PCDHA3: variants seen among roughly 807,000 people sequenced by gnomAD.
The protein encoded by PCDHA3 is protocadherin alpha-3.
Under a neutral mutation model 62.2 loss-of-function variants are expected in PCDHA3, and 41 were observed. That is an observed-to-expected ratio of 0.66 (90% CI 0.51 to 0.86). The LOEUF (loss-of-function observed/expected upper bound fraction) is 0.86. Ranked by LOEUF, PCDHA3 falls within the 40% of genes least tolerant of loss-of-function variation. The pLI is 0.00. For missense variants in PCDHA3, 1,304 were observed against 1,241.2 expected (o/e 1.05, Z -0.76); for synonymous variants, 640 against 555.4 (o/e 1.15, Z -2.14).
At chr5:140,981,111 T>C (rs1275828842) in intron 2 of PCDHA3, among the ~76,000 whole-genome samples, 3 of 152,232 alleles carry the variant, frequency 2.0e-5, no homozygotes, top group African/African-American at 2.4e-5. Context: ...GAATTTCTAC[T>C]GGATATGTTG....
intron 1 of PCDHA3, chr5:140,871,327 C>A: frequency 6.2e-7 from 1 of 1,614,102 alleles, no homozygotes; most frequent in Non-Finnish European, 8.5e-7. Flanking sequence ...GGTGTGCTCC[C>A]GCGCGGTGGG....
intron 1 of PCDHA3, chr5:140,967,680 G>C (rs1554229771): frequency 6.2e-7 from 1 of 1,614,228 alleles, no homozygotes; most frequent in South Asian, 1.1e-5. Context: ...GACCGGGAGA[G>C]GCAGCTCTTC....
At chr5:140,834,377 A>G (rs1445346495) in intron 1 of PCDHA3, 1 of 1,562,428 alleles carries the variant, frequency 6.4e-7, no homozygotes, top group Non-Finnish European at 8.7e-7. Flanking sequence ...CAAGCCAATA[A>G]TTTGAAATGG....
intron 1 of PCDHA3, among the ~76,000 whole-genome samples, chr5:140,959,659 A>G (rs1020730964): frequency 6.6e-6 from 1 of 152,250 alleles, no homozygotes; most frequent in Non-Finnish European, 1.5e-5. Context: ...AAATTGAAGA[A>G]TTTGTAAATC....
At chr5:140,987,011 C>G (rs1266225593) in intron 3 of PCDHA3, among the ~76,000 whole-genome samples, 1 of 151,990 alleles carries the variant, frequency 6.6e-6, no homozygotes, top group African/African-American at 2.4e-5. Context: ...GTCATGAGTT[C>G]GAGACCAGCC....
intron 1 of PCDHA3, among the ~76,000 whole-genome samples, chr5:140,964,622 T>C (rs1435749865): frequency 2.0e-5 from 3 of 152,048 alleles, no homozygotes; most frequent in Non-Finnish European, 4.4e-5. Flanking sequence ...ATTCCACTTA[T>C]AAGCCATTTA....
intron 1 of PCDHA3, chr5:140,876,755 G>C (rs782037862): frequency 1.9e-6 from 3 of 1,614,248 alleles, no homozygotes; most frequent in Non-Finnish European, 1.7e-6. Flanking sequence ...GTGACTGCGC[G>C]GGATGGGGGC....
In PCDHA3 at chr5:140,841,811, G is replaced by A. The variant is rs2150323241; in HGVS notation, c.2394+38220G>A. The A allele has an allele frequency of 3.1e-6, 5 of 1,613,790 alleles. No individual in the cohort carries two copies. In the African/African-American group the frequency reaches 6.7e-5, roughly 22 times the overall value. On this transcript the variant is annotated intron_variant, in intron 1 of 3. Coordinates refer to ENST00000522353, the MANE Select transcript of PCDHA3 (RefSeq NM_018906.3). The stretch of plus-strand genomic sequence containing the variant: ...GGGCGCGTCCGATGCAGATGTTGGA[G>A]CTAACTCCGTGTTAACCTACAGGCT...
chr5:140,875,478 G>T, intron 1 of PCDHA3: 4 of 1,610,404 alleles, frequency 2.5e-6, no homozygotes, highest in Non-Finnish European at 3.4e-6. Flanking sequence ...CTGCAATGGT[G>T]ATTATCGGAC....
rs1246720296 is a variant in PCDHA3, at chr5:140,996,308, AAGGGGGG to A, written c.2543-13314_2543-13308del. 2.6e-5 allele frequency among the ~76,000 whole-genome samples: 4 copies of A among 152,358 alleles called. No individual in the cohort carries two copies. The East Asian group carries it at 5.8e-4, about 22-fold the overall frequency. On this transcript the variant is annotated intron_variant, in intron 3 of 3. Coordinates refer to ENST00000522353, the MANE Select transcript of PCDHA3 (RefSeq NM_018906.3). ...CAAGAAGCACAGATTGTAACAAAGT[AAGGGGGG>A]AGGGTAGAGAAGAAAAGTTTGAAAA... is the stretch of plus-strand genomic sequence containing the variant.
In PCDHA3 at chr5:140,875,833, G is replaced by T. The variant is rs782436615; in HGVS notation, c.2394+72242G>T. The stretch of plus-strand genomic sequence containing the variant: ...GCCGCTGCAGGTTTTCCATGTGGAC[G>T]TGGAGGTGAAGGACATTAACGACAA... On this transcript the variant is annotated intron_variant, in intron 1 of 3. Coordinates refer to ENST00000522353, the MANE Select transcript of PCDHA3 (RefSeq NM_018906.3). 2.3e-5 allele frequency: 37 copies of T among 1,614,100 alleles called. No homozygotes were observed. The Admixed American group carries it at 6.0e-4, about 26-fold the overall frequency.
At chr5:140,866,264 G>C (rs908649642) in intron 1 of PCDHA3, 1 of 152,052 alleles carries the variant, frequency 6.6e-6, no homozygotes, top group Admixed American at 6.5e-5. Flanking sequence ...TTTCTTTACT[G>C]TGAATAAAGA....
At chr5:141,006,108 T>G (rs1268824828) in intron 3 of PCDHA3, among the ~76,000 whole-genome samples, 3 of 151,864 alleles carry the variant, frequency 2.0e-5, no homozygotes, top group Non-Finnish European at 4.4e-5. Flanking sequence ...GTAAGGAGTT[T>G]TTTTTTTTTT....
chr5:140,817,688 C>CAGTA, intron 1 of PCDHA3: 1 of 152,288 alleles, frequency 6.6e-6, no homozygotes, highest in Admixed American at 6.5e-5. Context: ...TCTAGACACA[C>CAGTA]AGTACATTAT....
chr5:140,927,813 G>A, intron 1 of PCDHA3: 1 of 1,614,176 alleles, frequency 6.2e-7, no homozygotes, highest in Non-Finnish European at 8.5e-7. Context: ...CGCTCTTGGA[G>A]GCATACATTG....
At chr5:140,830,696 C>T (rs2150102603) in intron 1 of PCDHA3, 2 of 283,892 alleles carry the variant, frequency 7.0e-6, no homozygotes, top group East Asian at 1.4e-4. Flanking sequence ...CAATCTGCAC[C>T]TCAGAATTTT....
At chr5:140,871,334 T>G (rs1554165439) in intron 1 of PCDHA3, 1 of 1,614,044 alleles carries the variant, frequency 6.2e-7, no homozygotes, top group African/African-American at 1.3e-5. Flanking sequence ...TCCCGCGCGG[T>G]GGGGAGCTGG....
At chr5:140,889,503 C>G (rs2062252341) in intron 1 of PCDHA3, among the ~76,000 whole-genome samples, 2 of 151,950 alleles carry the variant, frequency 1.3e-5, no homozygotes, top group Admixed American at 1.3e-4. Context: ...AGTGATATTT[C>G]CCTTTCCATT....
intron 1 of PCDHA3, chr5:140,850,828 C>T: frequency 6.3e-7 from 1 of 1,598,230 alleles, no homozygotes; most frequent in African/African-American, 1.3e-5. Context: ...GGCCTTTCTC[C>T]TTGTGCTGGA....
Sources: allele counts gnomAD v4.1 joint callset (sites outside exome capture counted in the v4.1 genomes callset), GRCh38; gene constraint gnomAD v4.1.1; transcripts MANE v1.5; gene names NCBI Gene and HGNC (gene_info 2026-07-23, HGNC 2026-07-21).